CHN2: variants seen among roughly 807,000 people sequenced by gnomAD.
CHN2 encodes beta-chimaerin.
A neutral mutation model predicts 56.3 loss-of-function variants in CHN2; 35 were observed. The observed-to-expected ratio is 0.62, with a 90% CI of 0.47 to 0.82. The LOEUF (loss-of-function observed/expected upper bound fraction) is 0.82. Among genes scored for constraint, CHN2 ranks in the 40% least tolerant of loss-of-function variants. The probability of loss-of-function intolerance (pLI) is 0.00; values close to 1 mark genes in which losing one functional copy is unlikely to be tolerated. For synonymous variants in CHN2, 210 were observed against 212.8 expected (o/e 0.99, Z 0.12); for missense variants, 491 against 580.5 (o/e 0.85, Z 1.58).
At chr7:29,452,721 G>C (rs1784489524) in intron 6 of CHN2, among the ~76,000 whole-genome samples, 1 of 152,212 alleles carries the variant, frequency 6.6e-6, no homozygotes, top group Non-Finnish European at 1.5e-5. Flanking sequence ...TACTGTGTAA[G>C]TGTAATTTGA....
intron 2 of CHN2, among the ~76,000 whole-genome samples, chr7:29,179,656 T>G (rs1246556460): frequency 2.0e-5 from 3 of 152,260 alleles, no homozygotes; most frequent in Non-Finnish European, 4.4e-5. Flanking sequence ...ATATTCTCCT[T>G]TTTCTAAGTA....
Position 29,367,992 on chromosome 7 carries a change from G to C in CHN2, c.144+5G>C. 1 of 1,608,574 alleles carries C rather than the reference G, an allele frequency of 6.2e-7. No homozygotes were observed. Among genetic ancestry groups the C allele is most frequent in the Non-Finnish European group, 8.5e-7 (1 of 1,177,566 alleles). ...AGAATCATTTGTCCTCGGGAGGTCA[G>C]TGCTCAGCTATTTCCAATACACCTT... On this transcript the variant is annotated splice_donor_5th_base_variant and intron_variant, in intron 3 of 12. Coordinates refer to ENST00000222792, the MANE Select transcript of CHN2 (RefSeq NM_004067.4).
intron 1 of CHN2, among the ~76,000 whole-genome samples, chr7:29,272,874 G>A (rs1289493879): frequency 2.6e-5 from 4 of 152,064 alleles, no homozygotes; most frequent in Non-Finnish European, 4.4e-5. Context: ...GGTTACAATA[G>A]TAAAGCAAAT....
intron 7 of CHN2, 74 bp from the exon 8 acceptor site, chr7:29,495,878 A>T: frequency 1.6e-6 from 2 of 1,270,082 alleles, no homozygotes; most frequent in Non-Finnish European, 2.3e-6. Context: ...GCTGATCTTC[A>T]TTGACATGTC....
chr7:29,432,548 A>T (rs771533174), intron 6 of CHN2, among the ~76,000 whole-genome samples: 1 of 152,124 alleles, frequency 6.6e-6, no homozygotes, highest in African/African-American at 2.4e-5. Context: ...TCTATACTAT[A>T]CTCGCCTACT....
At chr7:29,416,739 A>T (rs1258564956) in intron 6 of CHN2, among the ~76,000 whole-genome samples, 2 of 152,170 alleles carry the variant, frequency 1.3e-5, no homozygotes, top group African/African-American at 4.8e-5. Flanking sequence ...GATTAATTAG[A>T]TGTAATCTGT....
At chr7:29,314,211 TAAAAG>T (rs779187467) in intron 1 of CHN2, among the ~76,000 whole-genome samples, 1 of 152,158 alleles carries the variant, frequency 6.6e-6, no homozygotes, top group Admixed American at 6.5e-5. Flanking sequence ...TATTCAGCCT[TAAAAG>T]GAAGGATATT....
intron 1 of CHN2, among the ~76,000 whole-genome samples, chr7:29,290,365 G>A (rs1370577691): frequency 1.3e-5 from 2 of 152,198 alleles, no homozygotes; most frequent in African/African-American, 4.8e-5. Context: ...TTGTGGTTCT[G>A]TGGATAGCGA....
chr7:29,263,076 C>T (rs970292798), intron 1 of CHN2, among the ~76,000 whole-genome samples: 7 of 152,198 alleles, frequency 4.6e-5, no homozygotes, highest in African/African-American at 7.2e-5. Context: ...CCTCTGATGC[C>T]GAGCCGAGGC....
At chr7:29,160,515 G>A (rs959577741) in intron 2 of CHN2, among the ~76,000 whole-genome samples, 1 of 152,176 alleles carries the variant, frequency 6.6e-6, no homozygotes, top group African/African-American at 2.4e-5. Context: ...CTACAAGTGG[G>A]TGTGTAATCC....
chr7:29,408,920 G>A (rs928906078), intron 6 of CHN2, among the ~76,000 whole-genome samples: 11 of 152,128 alleles, frequency 7.2e-5, no homozygotes, highest in Admixed American at 6.5e-4. Flanking sequence ...CACGGCTCCC[G>A]AGAAAGTATT....
intron 6 of CHN2, among the ~76,000 whole-genome samples, chr7:29,416,464 T>C (rs1316091146): frequency 6.6e-6 from 1 of 152,254 alleles, no homozygotes; most frequent in African/African-American, 2.4e-5. Flanking sequence ...GGCAGCAGTG[T>C]TGAGGCTGCT....
intron 1 of CHN2, among the ~76,000 whole-genome samples, chr7:29,217,028 A>G (rs1263516982): frequency 6.6e-6 from 1 of 152,202 alleles, no homozygotes; most frequent in Non-Finnish European, 1.5e-5. Flanking sequence ...AGTCAGAATA[A>G]ATATCATAGT....
chr7:29,454,727 C>T (rs1019998963), intron 6 of CHN2, among the ~76,000 whole-genome samples: 3 of 152,126 alleles, frequency 2.0e-5, no homozygotes, highest in Non-Finnish European at 2.9e-5. Flanking sequence ...AAAAAAGCCA[C>T]GTGGCCATCC....
At chr7:29,263,676 C>T (rs970159664) in intron 1 of CHN2, among the ~76,000 whole-genome samples, 1 of 150,388 alleles carries the variant, frequency 6.6e-6, no homozygotes, top group East Asian at 2.0e-4. Flanking sequence ...TCTTCCCGGC[C>T]GTCATCCCGT....
At chr7:29,507,398 C>A (rs574350652) in intron 11 of CHN2, 33 bp downstream of exon 11, 4 of 1,531,208 alleles carry the variant, frequency 2.6e-6, no homozygotes, top group Non-Finnish European at 3.6e-6. Flanking sequence ...TTATTTCTAC[C>A]AAATTTTTAA....
intron 1 of CHN2, among the ~76,000 whole-genome samples, chr7:29,328,146 G>A (rs777789012): frequency 2.6e-5 from 4 of 152,050 alleles, no homozygotes; most frequent in Non-Finnish European, 4.4e-5. Context: ...ATTTCTGCTC[G>A]GCCTTGTAAC....
chr7:29,455,701 T>C (rs1401417360), intron 6 of CHN2, among the ~76,000 whole-genome samples: 2 of 152,208 alleles, frequency 1.3e-5, no homozygotes, highest in African/African-American at 4.8e-5. Flanking sequence ...AGGGGTGTCA[T>C]GGGCTATTTG....
intron 6 of CHN2, among the ~76,000 whole-genome samples, chr7:29,461,816 TTGGATGGATGGA>T (rs5883212): frequency 5.8e-4 from 83 of 143,962 alleles, no homozygotes; most frequent in East Asian, 4.5e-3. Flanking sequence ...GGTTGGTTCA[TTGGATGGATGGA>T]TGGATGGATG....
Sources: gnomAD v4.1 joint callset for allele counts (sites outside exome capture counted in the v4.1 genomes callset) on GRCh38, gnomAD v4.1.1 for gene constraint, MANE v1.5 for transcripts, NCBI Gene and HGNC (gene_info 2026-07-23, HGNC 2026-07-21) for gene names.